The following LINGO1 variants were observed in gnomAD, a reference collection of about 807,000 sequenced individuals.
LINGO1 encodes the protein leucine rich repeat and Ig domain containing 1.
A neutral mutation model predicts 37.3 loss-of-function variants in LINGO1; 11 were observed. The observed-to-expected ratio is 0.29, with a 90% CI of 0.19 to 0.49. The LOEUF is 0.49. LINGO1 is among the 20% of genes least tolerant of loss of function. The pLI is 0.99. For synonymous variants in LINGO1, 387 were observed against 403.0 expected (o/e 0.96, Z 0.48); for missense variants, 585 against 878.2 (o/e 0.67, Z 4.22).
At chr15:77,752,820 T>C (rs34393364) in intron 1 of LINGO1, among the ~76,000 whole-genome samples, 1 of 152,084 alleles carries the variant, frequency 6.6e-6, no homozygotes, top group Admixed American at 6.5e-5. Context: ...CCAGGCTCAC[T>C]GCCACCAGCT....
At chr15:77,645,825 C>G (rs1263129601) in intron 3 of LINGO1, among the ~76,000 whole-genome samples, 1 of 152,264 alleles carries the variant, frequency 6.6e-6, no homozygotes, top group Non-Finnish European at 1.5e-5. Context: ...TGGTAATTCT[C>G]CCTTTGTGGT....
intron 1 of LINGO1, among the ~76,000 whole-genome samples, chr15:77,738,749 AAGG>A (rs2076227401): frequency 1.9e-5 from 1 of 51,388 alleles, no homozygotes; most frequent in Non-Finnish European, 4.3e-5. Flanking sequence ...ATATTTGCTG[AAGG>A]AAGGAAGGAA....
chr15:77,691,743 G>A (rs886600497), intron 1 of LINGO1, among the ~76,000 whole-genome samples: 2 of 151,888 alleles, frequency 1.3e-5, no homozygotes, highest in African/African-American at 4.8e-5. Flanking sequence ...AGCAATTCAC[G>A]GCACCCCTGC....
intron 3 of LINGO1, among the ~76,000 whole-genome samples, chr15:77,664,174 C>CGCGT (rs1555527603): frequency 1.0e-3 from 103 of 100,450 alleles, no homozygotes; most frequent in African/African-American, 2.8e-3. Flanking sequence ...TGTGTGTGCG[C>CGCGT]GCGCGCATGC....
intron 1 of LINGO1, among the ~76,000 whole-genome samples, chr15:77,625,161 T>TG (rs1326796333): frequency 6.6e-6 from 1 of 151,672 alleles, no homozygotes; most frequent in Non-Finnish European, 1.5e-5. Context: ...GTGCTTGGGG[T>TG]GGGGGGTGCC....
At chr15:77,619,844 G>A (rs1056542528) in intron 1 of LINGO1, among the ~76,000 whole-genome samples, 2 of 152,260 alleles carry the variant, frequency 1.3e-5, no homozygotes, top group African/African-American at 4.8e-5. Flanking sequence ...GCCATGCTCC[G>A]TGGGAGCAGG....
chr15:77,773,857 G>A (rs1030435066), intron 1 of LINGO1, among the ~76,000 whole-genome samples: 12 of 151,942 alleles, frequency 7.9e-5, no homozygotes, highest in Non-Finnish European at 1.5e-4. Flanking sequence ...CCTACTCAGG[G>A]GTCTCTGGCC....
At chr15:77,719,183 T>C (rs2076019694) in intron 2 of LINGO1, among the ~76,000 whole-genome samples, 1 of 149,958 alleles carries the variant, frequency 6.7e-6, no homozygotes, top group African/African-American at 2.4e-5. Flanking sequence ...TCACTGCCTC[T>C]TTGAGAGTGA....
chr15:77,722,197 TA>T (rs1315811433), intron 2 of LINGO1, among the ~76,000 whole-genome samples: 2 of 152,226 alleles, frequency 1.3e-5, no homozygotes, highest in Non-Finnish European at 2.9e-5. Context: ...AATGGCCCGG[TA>T]AAGCTCAGCA....
At chr15:77,748,564 A>G (rs8028520) in intron 1 of LINGO1, among the ~76,000 whole-genome samples, 77,638 of 152,110 alleles carry the variant, frequency 0.51, 19,901 homozygotes, top group Admixed American at 0.56. Context: ...CATAGTGGGC[A>G]GGACCAGGAC....
rs1555527554 is a variant in LINGO1, at chr15:77,664,156, T to TGTGC, written c.-13+12932_-13+12933insGCAC. 2.3e-5 allele frequency among the ~76,000 whole-genome samples: 3 copies of TGTGC among 132,960 alleles called. No homozygotes were observed. The East Asian group carries it at 6.0e-4, about 27-fold the overall frequency. The allele number at this position is 132,960 out of a possible 152,430, so 87.2% of individuals were successfully genotyped here. On this transcript the variant is annotated intron_variant, in intron 3 of 3. Coordinates refer to the LINGO1 transcript ENST00000559893. ...GTGTGTGTGTGTGTGTGTGTGTGTG[T>TGTGC]GTGTGTGTGTGTGTGCGCGCGCGCA... is the stretch of plus-strand genomic sequence containing the variant.
chr15:77,764,635 T>C (rs2076509469), intron 1 of LINGO1, among the ~76,000 whole-genome samples: 2 of 152,050 alleles, frequency 1.3e-5, no homozygotes, highest in Non-Finnish European at 2.9e-5. Context: ...AATCCTTCAC[T>C]CATTAAGTTG....
intron 2 of LINGO1, among the ~76,000 whole-genome samples, chr15:77,689,293 C>T (rs1015451427): frequency 1.8e-4 from 27 of 152,270 alleles, no homozygotes; most frequent in African/African-American, 5.5e-4. Flanking sequence ...TAGGAGGCAC[C>T]GGGGGCAGGA....
intron 1 of LINGO1, among the ~76,000 whole-genome samples, chr15:77,800,866 A>T (rs1451296443): frequency 6.6e-6 from 1 of 152,224 alleles, no homozygotes; most frequent in East Asian, 1.9e-4. Context: ...ATTGGCAGTG[A>T]ATTAGAAATC....
chr15:77,795,058 C>T (rs1045289475), intron 2 of LINGO1, among the ~76,000 whole-genome samples: 4 of 152,144 alleles, frequency 2.6e-5, no homozygotes, highest in Non-Finnish European at 4.4e-5. Flanking sequence ...GAGGACAATA[C>T]GCCAGGCCAG....
chr15:77,814,634 C>T (rs939053704), intron 1 of LINGO1, among the ~76,000 whole-genome samples: 1 of 152,204 alleles, frequency 6.6e-6, no homozygotes, highest in African/African-American at 2.4e-5. Context: ...GACATCATCC[C>T]CGCATGACAC....
intron 1 of LINGO1, among the ~76,000 whole-genome samples, chr15:77,776,541 G>T (rs2076654563): frequency 4.8e-5 from 7 of 147,006 alleles, no homozygotes; most frequent in Non-Finnish European, 6.0e-5. Context: ...AGGGAGGGAG[G>T]GAGGGAGGGA....
rs147528703 is a variant in LINGO1 at position 77,798,575 on chromosome 15, A to T, written c.-457-2522T>A. Among the ~76,000 whole-genome samples the T allele has an allele frequency of 1.3e-3, 201 of 152,304 alleles. 2 individuals are homozygous for T. Among genetic ancestry groups the T allele is most frequent in the African/African-American group, 4.6e-3 (192 of 41,566 alleles). On this transcript the variant is annotated intron_variant, in intron 1 of 5. Transcript: ENST00000562933. ...ATGGGGCCACAGGCAGAGCGTGACA[A>T]TGATTTGGGGCAGGGGAGGAGACGC...
upstream of LINGO1, among the ~76,000 whole-genome samples, chr15:77,700,359 G>A (rs1256032834): frequency 2.0e-5 from 3 of 152,330 alleles, no homozygotes; most frequent in East Asian, 1.9e-4. Flanking sequence ...TCACAGAGGT[G>A]GCAGCTTTTC....
Sources: allele counts gnomAD v4.1 joint callset (sites outside exome capture counted in the v4.1 genomes callset), GRCh38; gene constraint gnomAD v4.1.1; transcripts MANE v1.5; gene names NCBI Gene and HGNC (gene_info 2026-07-23, HGNC 2026-07-21).